HTR1F: variants seen among roughly 807,000 people sequenced by gnomAD.
HTR1F encodes 5-hydroxytryptamine (serotonin) receptor 1F, G protein-coupled.
A neutral mutation model predicts 24.0 loss-of-function variants in HTR1F; 17 were observed. That is an observed-to-expected ratio of 0.71 (90% CI 0.48 to 1.06). The LOEUF (loss-of-function observed/expected upper bound fraction) is 1.06. Ranked by LOEUF, HTR1F falls within the 50% of genes least tolerant of loss-of-function variation. The pLI, the probability that HTR1F is intolerant of heterozygous loss-of-function variation, is 0.00. For missense variants in HTR1F, 391 were observed against 427.8 expected (o/e 0.91, Z 0.76); for synonymous variants, 186 against 156.8 (o/e 1.19, Z -1.39).
intron 2 of HTR1F, among the ~76,000 whole-genome samples, chr3:87,929,989 G>A (rs113713663): frequency 6.6e-6 from 1 of 152,052 alleles, no homozygotes; most frequent in African/African-American, 2.4e-5. Context: ...GCAGTGTTTT[G>A]TAGTTCTACT....
At chr3:87,941,477 G>A (rs1239679231) in intron 2 of HTR1F, among the ~76,000 whole-genome samples, 1 of 152,162 alleles carries the variant, frequency 6.6e-6, no homozygotes, top group Admixed American at 6.5e-5. Flanking sequence ...GGAAATTTAA[G>A]AGCGCTTGGG....
intron 2 of HTR1F, among the ~76,000 whole-genome samples, chr3:87,885,001 T>A (rs1333785396): frequency 6.6e-6 from 1 of 152,118 alleles, no homozygotes; most frequent in Non-Finnish European, 1.5e-5. Context: ...CTAACAGACA[T>A]CTACAGAACT....
intron 2 of HTR1F, among the ~76,000 whole-genome samples, chr3:87,837,897 C>G (rs547800651): frequency 4.1e-4 from 62 of 151,976 alleles, no homozygotes; most frequent in African/African-American, 1.4e-3. Context: ...TATCTCTTAT[C>G]CATAATCAAT....
chr3:87,985,917 G>A (rs1705652944), intron 2 of HTR1F, among the ~76,000 whole-genome samples: 1 of 152,316 alleles, frequency 6.6e-6, no homozygotes, highest in Non-Finnish European at 1.5e-5. Flanking sequence ...GCTTCATGCA[G>A]CTAAATCAAC....
intron 2 of HTR1F, among the ~76,000 whole-genome samples, chr3:87,927,051 G>A (rs1224136274): frequency 1.3e-5 from 2 of 152,116 alleles, no homozygotes; most frequent in Non-Finnish European, 2.9e-5. Context: ...CAGGGGAGTG[G>A]TGGAAAGCCA....
chr3:87,942,560 C>T (rs569272016), intron 2 of HTR1F, among the ~76,000 whole-genome samples: 124 of 152,230 alleles, frequency 8.1e-4, no homozygotes, highest in African/African-American at 2.7e-3. Flanking sequence ...CCAGTGACTC[C>T]CTTGACATAA....
intron 2 of HTR1F, among the ~76,000 whole-genome samples, chr3:87,863,519 T>C (rs1705361380): frequency 6.6e-6 from 1 of 152,226 alleles, no homozygotes; most frequent in African/African-American, 2.4e-5. Context: ...GAATACAATT[T>C]TGCTAGATTT....
chr3:87,873,091 TACATACACACACACACACACACAC>T (rs1473622953), intron 2 of HTR1F, among the ~76,000 whole-genome samples: 1 of 132,000 alleles, frequency 7.6e-6, no homozygotes, highest in Non-Finnish European at 1.6e-5. Context: ...CATACATGCA[TACATACACACACACACACACACAC>T]ACACACACAC....
intron 1 of HTR1F, among the ~76,000 whole-genome samples, chr3:87,805,253 T>C (rs1167962295): frequency 1.3e-5 from 2 of 152,066 alleles, no homozygotes; most frequent in African/African-American, 2.4e-5. Flanking sequence ...CCCACCTATT[T>C]GTTCCTCCTT....
intron 1 of HTR1F, among the ~76,000 whole-genome samples, chr3:87,819,633 T>A (rs1212792241): frequency 6.6e-6 from 1 of 152,134 alleles, no homozygotes; most frequent in Non-Finnish European, 1.5e-5. Context: ...CAGCAAGTTG[T>A]ATAAAGAATT....
intron 2 of HTR1F, among the ~76,000 whole-genome samples, chr3:87,919,128 A>G (rs762726173): frequency 6.6e-6 from 1 of 152,118 alleles, no homozygotes; most frequent in Non-Finnish European, 1.5e-5. Context: ...TGGAGAAAGG[A>G]CACCCTTTTC....
intron 1 of HTR1F, among the ~76,000 whole-genome samples, chr3:87,805,930 T>A (rs1472066677): frequency 1.3e-5 from 2 of 152,112 alleles, no homozygotes; most frequent in Non-Finnish European, 2.9e-5. Context: ...AAACACTTTT[T>A]TTTGCCCCAT....
intron 2 of HTR1F, among the ~76,000 whole-genome samples, chr3:87,928,380 T>C (rs1407678023): frequency 1.3e-5 from 2 of 152,178 alleles, no homozygotes; most frequent in Non-Finnish European, 2.9e-5. Flanking sequence ...ATTTCACAAA[T>C]GAAATTTGTG....
chr3:87,856,327 G>A (rs1162252699), intron 2 of HTR1F, among the ~76,000 whole-genome samples: 3 of 151,968 alleles, frequency 2.0e-5, no homozygotes, highest in Non-Finnish European at 2.9e-5. Flanking sequence ...TCCTTATTGT[G>A]TAATCAGAAT....
intron 2 of HTR1F, among the ~76,000 whole-genome samples, chr3:87,885,998 G>T (rs1291125866): frequency 6.6e-6 from 1 of 152,126 alleles, no homozygotes; most frequent in Non-Finnish European, 1.5e-5. Flanking sequence ...TATGAGGCCA[G>T]CATCATCCTG....
chr3:87,944,188 G>A (rs763137707), intron 2 of HTR1F, among the ~76,000 whole-genome samples: 5 of 152,124 alleles, frequency 3.3e-5, no homozygotes, highest in Non-Finnish European at 7.3e-5. Context: ...CATTGCCTTT[G>A]TGCTCAGGGG....
intron 2 of HTR1F, among the ~76,000 whole-genome samples, chr3:87,944,834 C>T (rs6765538): frequency 0.14 from 20,851 of 152,044 alleles, 1,446 homozygotes; most frequent in Non-Finnish European, 0.16. Context: ...CCGTGGGTTA[C>T]GGGGTTAAAG....
chr3:87,905,134 C>A (rs1474198118), intron 2 of HTR1F, among the ~76,000 whole-genome samples: 2 of 151,470 alleles, frequency 1.3e-5, no homozygotes, highest in African/African-American at 2.4e-5. Context: ...ATAGCAAAAC[C>A]CTGTCTCTGA....
intron 2 of HTR1F, among the ~76,000 whole-genome samples, chr3:87,873,133 C>CACACAGAGAGAG (rs370152361): frequency 2.3e-5 from 3 of 130,320 alleles, no homozygotes; most frequent in Middle Eastern, 4.0e-3. Flanking sequence ...CACACACACA[C>CACACAGAGAGAG]AGAGAGATTT....
Sources: gnomAD v4.1 joint callset for allele counts (sites outside exome capture counted in the v4.1 genomes callset) on GRCh38, gnomAD v4.1.1 for gene constraint, MANE v1.5 for transcripts, NCBI Gene and HGNC (gene_info 2026-07-23, HGNC 2026-07-21) for gene names.